Variants in RRBP1 observed in about 807,000 individuals in gnomAD.
RRBP1 encodes ribosome-binding protein 1.
In RRBP1, 94 loss-of-function variants were observed where a neutral mutation model predicts 165.2. The ratio of observed to expected loss-of-function variants is 0.57; its 90% CI spans 0.48 to 0.68. The LOEUF (loss-of-function observed/expected upper bound fraction) is 0.68. Among genes scored for constraint, RRBP1 ranks in the 30% least tolerant of loss-of-function variants. The probability of loss-of-function intolerance (pLI) is 0.00; values close to 1 mark genes in which losing one functional copy is unlikely to be tolerated. For synonymous variants in RRBP1, 680 were observed against 714.5 expected (o/e 0.95, Z 0.77); for missense variants, 1,676 against 1,763.0 (o/e 0.95, Z 0.88).
chr20:17,665,335 T>A (rs1055942638), intron 2 of RRBP1, among the ~76,000 whole-genome samples: 1 of 152,212 alleles, frequency 6.6e-6, no homozygotes, highest in African/African-American at 2.4e-5. Flanking sequence ...GACTAAACTT[T>A]GTGAGAATAT....
At chr20:17,656,921 G>A (rs2036654978) in intron 3 of RRBP1, among the ~76,000 whole-genome samples, 1 of 152,164 alleles carries the variant, frequency 6.6e-6, no homozygotes, top group South Asian at 2.1e-4. Context: ...CGTTCACAGA[G>A]GTCACACGTA....
chr20:17,672,434 C>G (rs2036995623), intron 2 of RRBP1, among the ~76,000 whole-genome samples: 1 of 152,230 alleles, frequency 6.6e-6, no homozygotes, highest in African/African-American at 2.4e-5. Flanking sequence ...CATCCTCTCT[C>G]TGTGACAGCG....
At chr20:17,680,809 A>G (rs2037167315) in intron 1 of RRBP1, among the ~76,000 whole-genome samples, 1 of 151,880 alleles carries the variant, frequency 6.6e-6, no homozygotes, top group Non-Finnish European at 1.5e-5. Flanking sequence ...CCCCAACAAA[A>G]GCATCCCAAC....
At chr20:17,636,553 G>GC (rs757923337) in intron 6 of RRBP1, 24 bp downstream of exon 6, 278 of 1,605,490 alleles carry the variant, frequency 1.7e-4, no homozygotes, top group Non-Finnish European at 2.3e-4. Context: ...CCCTTCCCAT[G>GC]CCCCCGCCAG....
At chr20:17,622,950 G>A (rs1333149157) in intron 13 of RRBP1, 1 of 152,204 alleles carries the variant, frequency 6.6e-6, no homozygotes, top group Non-Finnish European at 1.5e-5. Flanking sequence ...AGCGCCCTCT[G>A]GCCTGACGCA....
Position 17,677,068 on chromosome 20 carries a change from G to GA in RRBP1, c.-22+2930dup, listed in dbSNP as rs11477613. Among the ~76,000 whole-genome samples, 622 of 141,274 alleles carry GA rather than the reference G, an allele frequency of 4.4e-3. 3 individuals are homozygous for GA. The highest frequency in any genetic ancestry group is 0.012 in the African/African-American group (458 of 37,416). The allele number at this position is 141,274 out of a possible 152,430, so 92.7% of individuals were successfully genotyped here. A position where few individuals can be genotyped will look rare whatever the true frequency, so the allele number is the denominator to read the frequency against. On this transcript the variant is annotated intron_variant, in intron 2 of 24. Transcript: ENST00000377813. ...CAGCCCAAAAAATCTAGATTTTAGT[G>GA]AAAAAAAAAAAAAAAATTCCACTTT...
At chr20:17,627,725 C>G in intron 9 of RRBP1, 43 bp from the exon 10 acceptor site, 2 of 1,530,318 alleles carry the variant, frequency 1.3e-6, no homozygotes, top group Non-Finnish European at 1.8e-6. Context: ...AGACTGCAAA[C>G]CCCAGGGGGT....
chr20:17,625,656 C>G, intron 11 of RRBP1, 54 bp from the exon 12 acceptor site: 1 of 1,401,114 alleles, frequency 7.1e-7, no homozygotes, highest in Non-Finnish European at 1.0e-6. Flanking sequence ...ACAGCCCCTA[C>G]AGATCCCACC....
At position 17,660,477 on chromosome 20, in the gene RRBP1, C is replaced by A; in HGVS notation, c.31G>T (p.Val11Phe). The A allele has an allele frequency of 6.2e-7, 1 of 1,614,012 alleles. No individual in the cohort carries two copies. Among genetic ancestry groups the A allele is most frequent in the South Asian group, 1.1e-5 (1 of 91,068 alleles). The part of the protein sequence containing the change: MDIYDTQTLG[V>F]VVFGGFMVVS... ...ACCATGAATCCTCCAAAGACCACAA[C>A]CCCCAAGGTTTGAGTGTCGTAAATA... Residue 11 changes from valine (V) to phenylalanine (F), a missense_variant, in exon 3 of 25, where the codon GTT becomes TTT. By Grantham distance (50) the Val-to-Phe change is conservative. Around this residue, in one of 5 missense-constraint regions of RRBP1, gnomAD observed 392 missense variants for 382.5 expected, o/e 1.02. Transcript: ENST00000377813.
At chr20:17,665,675 G>C (rs2036855926) in intron 2 of RRBP1, among the ~76,000 whole-genome samples, 1 of 152,172 alleles carries the variant, frequency 6.6e-6, no homozygotes, top group Non-Finnish European at 1.5e-5. Flanking sequence ...AAAAATTTAT[G>C]CTGTCACACA....
Position 17,657,746 on chromosome 20 carries a change from T to C in RRBP1, c.1912+850A>G, listed in dbSNP as rs146939268. On this transcript the variant is annotated intron_variant, in intron 3 of 24. Transcript: ENST00000377813. The stretch of plus-strand genomic sequence containing the variant: ...CACTAAACAGATAAAGGTAAACCAG[T>C]GCTTCATATGATCACATATATATCT... Among the ~76,000 whole-genome samples, 413 of 152,252 alleles carry C rather than the reference T, an allele frequency of 2.7e-3. 9 individuals are homozygous for C. The highest frequency in any genetic ancestry group is 6.9e-4 in the Non-Finnish European group (47 of 68,012).
chr20:17,614,006 T>G lies in RRBP1; in HGVS notation c.*176A>C. On this transcript the variant is annotated 3_prime_UTR_variant, in exon 25 of 25. Coordinates refer to ENST00000377813, the MANE Select transcript of RRBP1 (RefSeq NM_001365613.2). ...ATGTGACACAGGTTCATTTACAAAC[T>G]GGGGCTCTGGAAGGTCTACTTCTGT... The G allele has an allele frequency of 1.6e-6, 1 of 644,116 alleles. No individual in the cohort carries two copies. The highest frequency in any genetic ancestry group is 2.8e-6 in the Non-Finnish European group (1 of 356,492). The allele number at this position is 644,116 out of a possible 1,614,324, so 39.9% of individuals were successfully genotyped here.
intron 12 of RRBP1, among the ~76,000 whole-genome samples, chr20:17,625,278 G>T (rs568590916): frequency 6.6e-6 from 1 of 152,266 alleles, no homozygotes; most frequent in East Asian, 1.9e-4. Flanking sequence ...ATGACTCCAC[G>T]CTTGAGCGAG....
intron 8 of RRBP1, among the ~76,000 whole-genome samples, chr20:17,630,274 C>G (rs1306355376): frequency 6.6e-6 from 1 of 152,182 alleles, no homozygotes; most frequent in East Asian, 1.9e-4. Context: ...GATACTGATT[C>G]AGAGTAAACT....
At chr20:17,620,027 C>T (rs2035879227) in intron 18 of RRBP1, among the ~76,000 whole-genome samples, 1 of 152,174 alleles carries the variant, frequency 6.6e-6, no homozygotes, top group South Asian at 2.1e-4. Context: ...AGTGGGGCCA[C>T]CTTGACTGTG....
At position 17,643,234 on chromosome 20, in the gene RRBP1, T is replaced by G. The variant is rs542337830; in HGVS notation, c.1913-107A>C. On this transcript the variant is annotated intron_variant, in intron 3 of 24. Coordinates refer to ENST00000377813, the MANE Select transcript of RRBP1 (RefSeq NM_001365613.2). The surrounding 1 kb of genome is among the most constrained non-coding windows in gnomAD (Gnocchi z 4.3). ...GGTTCTGGTCACAGCCACGAAGAGC[T>G]CTCTGACTGCTTGGGGTCAGCAGGC... 2.8e-5 allele frequency: 33 copies of G among 1,179,960 alleles called. No homozygotes were observed. In the African/African-American group the frequency reaches 4.7e-4, roughly 17 times the overall value. The allele number at this position is 1,179,960 out of a possible 1,614,324, so 73.1% of individuals were successfully genotyped here. A position where few individuals can be genotyped will look rare whatever the true frequency, so the allele number is the denominator to read the frequency against.
intron 3 of RRBP1, among the ~76,000 whole-genome samples, chr20:17,654,998 T>G (rs1051943247): frequency 2.6e-5 from 4 of 152,336 alleles, no homozygotes; most frequent in Middle Eastern, 3.4e-3. Flanking sequence ...CCCAATTTTA[T>G]CTCTCTAAAA....
chr20:17,678,799 AAC>A (rs2037127287), intron 2 of RRBP1, among the ~76,000 whole-genome samples: 1 of 152,228 alleles, frequency 6.6e-6, no homozygotes, highest in African/African-American at 2.4e-5. Context: ...TGTATTGGAC[AAC>A]ACAGTTCTAG....
At chr20:17,631,356 G>A (rs1402868053) in intron 8 of RRBP1, among the ~76,000 whole-genome samples, 1 of 152,236 alleles carries the variant, frequency 6.6e-6, no homozygotes, top group African/African-American at 2.4e-5. Context: ...AGACTGCAGG[G>A]AGACTGACCA....
Sources: gnomAD v4.1 joint callset for allele counts (sites outside exome capture counted in the v4.1 genomes callset) on GRCh38, gnomAD v4.1.1 for gene constraint, gnomAD v4.1.1 regional missense constraint, Gnocchi (gnomAD v3.1) non-coding constraint, MANE v1.5 for transcripts, NCBI Gene and HGNC (gene_info 2026-07-23, HGNC 2026-07-21) for gene names.